COL5A2: variants seen among roughly 807,000 people sequenced by gnomAD.
COL5A2 encodes the protein collagen alpha-2(V) chain.
COL5A2 carries 23 observed loss-of-function variants against 208.2 expected under a neutral mutation model. That is an observed-to-expected ratio of 0.11 (90% CI 0.08 to 0.16). COL5A2 has a LOEUF of 0.16. COL5A2 is among the 10% of genes least tolerant of loss of function. The pLI is 1.00. For synonymous variants in COL5A2, 625 were observed against 628.5 expected (o/e 0.99, Z 0.08); for missense variants, 1,590 against 1,956.4 (o/e 0.81, Z 3.53).
the COL5A2 span, among the ~76,000 whole-genome samples, chr2:189,320,861 T>C: frequency 6.6e-6 from 1 of 152,044 alleles, no homozygotes; most frequent in Admixed American, 6.6e-5. Flanking sequence ...AGACACATAA[T>C]TGTCAGATTC....
In COL5A2 at chr2:189,110,267, G is replaced by A; in HGVS notation, c.280C>T (p.Pro94Ser). The A allele has an allele frequency of 6.2e-7, 1 of 1,614,056 alleles. No homozygotes were observed. Among genetic ancestry groups the A allele is most frequent in the Non-Finnish European group, 8.5e-7 (1 of 1,179,994 alleles). Residue 94 changes from proline to serine, a missense_variant, in exon 2 of 54, where the codon CCT (proline) becomes TCT (serine). Physicochemically the swap from Pro to Ser is moderately conservative, Grantham distance 74. Coordinates refer to ENST00000374866, the MANE Select transcript of COL5A2 (RefSeq NM_000393.5). The part of the protein sequence containing the change: ...DPVTPPGECC[P>S]VCSQTPGGGN... ...CCTCCAGGTGTTTGTGAACAGACAG[G>A]ACAGCATTCCCCAGGGGGCGTTACA...
chr2:189,100,049 A>G (rs1687016472), intron 4 of COL5A2, 58 bp downstream of exon 4: 1 of 1,390,770 alleles, frequency 7.2e-7, no homozygotes, highest in Non-Finnish European at 1.0e-6. Context: ...ATATACAATT[A>G]TACTATAAGC....
the COL5A2 span, among the ~76,000 whole-genome samples, chr2:189,411,730 TTGTTTG>T: frequency 6.6e-6 from 1 of 152,202 alleles, no homozygotes; most frequent in Non-Finnish European, 1.5e-5. Context: ...CAATAAGATC[TTGTTTG>T]ATTTTTTTTA....
chr2:189,296,062 C>G, the COL5A2 span, among the ~76,000 whole-genome samples: 1 of 152,056 alleles, frequency 6.6e-6, no homozygotes, highest in African/African-American at 2.4e-5. Context: ...GCCTCATTCT[C>G]TTCTCTTCTG....
intron 23 of COL5A2, among the ~76,000 whole-genome samples, chr2:189,066,179 A>T (rs1021719577): frequency 2.6e-5 from 4 of 152,220 alleles, no homozygotes; most frequent in African/African-American, 9.6e-5. Context: ...GATGGCTCAA[A>T]TTGGCATAGA....
chr2:189,143,862 T>TA (rs981501340), intron 1 of COL5A2, among the ~76,000 whole-genome samples: 39 of 152,006 alleles, frequency 2.6e-4, no homozygotes, highest in Admixed American at 6.6e-5. Flanking sequence ...TATAATAACA[T>TA]AAAAAAATCC....
At chr2:189,103,935 T>C (rs1390806077) in intron 3 of COL5A2, among the ~76,000 whole-genome samples, 1 of 151,994 alleles carries the variant, frequency 6.6e-6, no homozygotes, top group Non-Finnish European at 1.5e-5. Flanking sequence ...AAATGTGTAT[T>C]GTACTTCTAA....
At chr2:189,311,671 C>T in the COL5A2 span, 1 of 759,878 alleles carries the variant, frequency 1.3e-6, no homozygotes, top group Non-Finnish European at 2.3e-6. Context: ...CCATGAGCAT[C>T]ATCTCAGCAG....
the COL5A2 span, among the ~76,000 whole-genome samples, chr2:189,366,622 T>C: frequency 1.8e-4 from 28 of 151,866 alleles, no homozygotes; most frequent in South Asian, 5.4e-3. Context: ...CATGTGTGCA[T>C]GTGGGTGTGC....
At chr2:189,316,850 T>A in the COL5A2 span, among the ~76,000 whole-genome samples, 3 of 150,526 alleles carry the variant, frequency 2.0e-5, no homozygotes, top group African/African-American at 7.3e-5. Flanking sequence ...TTATGGTCAA[T>A]AATAACTTAA....
intron 1 of COL5A2, among the ~76,000 whole-genome samples, chr2:189,116,526 G>A (rs1396152328): frequency 6.6e-6 from 1 of 152,158 alleles, no homozygotes; most frequent in Admixed American, 6.5e-5. Flanking sequence ...GATACCTGAG[G>A]GGGATCTATT....
At chr2:189,236,113 G>A in the COL5A2 span, among the ~76,000 whole-genome samples, 5 of 151,760 alleles carry the variant, frequency 3.3e-5, no homozygotes, top group Non-Finnish European at 5.9e-5. Context: ...TGTCCTGTGC[G>A]ATTAATTGGG....
Position 189,224,464 on chromosome 2 carries a change from G to A in COL5A2, c.-42+684C>T, listed in dbSNP as rs115070226. Reference sequence around the variant, plus strand: ...AGTACCTTGGGAGGCTGAGGCGGGCGGATTTCTGGAGGTCAGGAATTCCAG... The same window carrying A: ...AGTACCTTGGGAGGCTGAGGCGGGCAGATTTCTGGAGGTCAGGAATTCCAG... On this transcript the variant is annotated intron_variant, in intron 1 of 10. Transcript: ENST00000649966. Among the ~76,000 whole-genome samples the A allele has an allele frequency of 8.8e-3, 1,346 of 152,136 alleles. 20 individuals are homozygous for A. The highest frequency in any genetic ancestry group is 0.03 in the African/African-American group (1,242 of 41,556).
At chr2:189,077,130 G>C (rs924010276) in intron 16 of COL5A2, among the ~76,000 whole-genome samples, 1 of 152,098 alleles carries the variant, frequency 6.6e-6, no homozygotes, top group African/African-American at 2.4e-5. Context: ...TTGGCCTAGA[G>C]AAGTGGCCCA....
the COL5A2 span, among the ~76,000 whole-genome samples, chr2:189,438,216 A>G: frequency 1.3e-5 from 2 of 151,822 alleles, no homozygotes; most frequent in Admixed American, 6.6e-5. Context: ...TGACAATACC[A>G]AGTCCTGACA....
chr2:189,139,125 C>A (rs934523545), intron 1 of COL5A2, among the ~76,000 whole-genome samples: 4 of 151,908 alleles, frequency 2.6e-5, no homozygotes, highest in Non-Finnish European at 5.9e-5. Flanking sequence ...AAATTTAACA[C>A]CAGGCTTGGC....
At chr2:189,231,319 T>A in the COL5A2 span, among the ~76,000 whole-genome samples, 1 of 151,714 alleles carries the variant, frequency 6.6e-6, no homozygotes, top group Non-Finnish European at 1.5e-5. Context: ...AGTTATATTT[T>A]TTTTGCCACA....
rs533081609 is a variant in COL5A2, at chr2:189,152,134, A to G, written c.97+27374T>C. On this transcript the variant is annotated intron_variant, in intron 1 of 53. Coordinates refer to ENST00000374866, the MANE Select transcript of COL5A2 (RefSeq NM_000393.5). The stretch of plus-strand genomic sequence containing the variant: ...ACTTCAACACACATGATTTCATTCA[A>G]TCCTTACACACTGCAAAGTAATCAG... Among the ~76,000 whole-genome samples, 7 of 152,290 alleles carry G rather than the reference A, an allele frequency of 4.6e-5. No homozygotes were observed. In the South Asian group the frequency reaches 1.5e-3, roughly 32 times the overall value.
chr2:189,314,937 A>G, the COL5A2 span, among the ~76,000 whole-genome samples: 1 of 152,154 alleles, frequency 6.6e-6, no homozygotes, highest in Non-Finnish European at 1.5e-5. Flanking sequence ...AGGCAGTAAT[A>G]AATAGCATAC....
Sources: gnomAD v4.1 joint callset for allele counts (sites outside exome capture counted in the v4.1 genomes callset) on GRCh38, gnomAD v4.1.1 for gene constraint, MANE v1.5 for transcripts, NCBI Gene and HGNC (gene_info 2026-07-23, HGNC 2026-07-21) for gene names.